MYH13: variants seen among roughly 807,000 people sequenced by gnomAD.
The protein encoded by MYH13 is myosin-13.
Under a neutral mutation model 232.1 loss-of-function variants are expected in MYH13, and 177 were observed. The ratio of observed to expected loss-of-function variants is 0.76; its 90% CI spans 0.67 to 0.86. MYH13 has a LOEUF of 0.86. Among genes scored for constraint, MYH13 ranks in the 40% least tolerant of loss-of-function variants. The pLI is 0.00. For missense variants in MYH13, 2,246 were observed against 2,405.9 expected (o/e 0.93, Z 1.39); for synonymous variants, 884 against 923.5 (o/e 0.96, Z 0.78).
chr17:10,311,272 T>G (rs563604800), intron 32 of MYH13, 45 bp from the exon 33 acceptor site: 2 of 1,610,862 alleles, frequency 1.2e-6, no homozygotes, highest in Admixed American at 1.7e-5. Flanking sequence ...CAGGCTCCAG[T>G]TTATAGTATA....
rs2071779048 is a variant in MYH13 at position 10,359,958 on chromosome 17, A to G, written c.645+2T>C. Reference sequence around the variant, plus strand: ...CCTCCGGATGCAGGTGGGGCTGCTCACCTGCATTTTGCCTGGCTGTGTCTC... The same window carrying G: ...CCTCCGGATGCAGGTGGGGCTGCTCGCCTGCATTTTGCCTGGCTGTGTCTC... On this transcript the variant is annotated splice_donor_variant, in intron 7 of 40. Transcript: ENST00000252172. LOFTEE classifies it high-confidence loss of function. 3 of 1,611,692 alleles carry G rather than the reference A, an allele frequency of 1.9e-6. No homozygotes were observed. The highest frequency in any genetic ancestry group is 2.5e-6 in the Non-Finnish European group (3 of 1,178,666).
Position 10,340,345 on chromosome 17 carries a change from C to G in MYH13, c.1951G>C (p.Val651Leu). Residue 651 changes from valine to leucine, a missense_variant, in exon 17 of 41, where the codon GTG becomes CTG. Physicochemically the swap from Val to Leu is conservative, Grantham distance 32 (BLOSUM62 1). Transcript: ENST00000252172. ...ACACCAACCCTGAACACGGCCGACA[C>G]GGTCTGGAAAGAGGAGCCCTTCTTC... ...GKKKGSSFQT[V>L]SAVFRENLNK... 1.9e-6 allele frequency: 3 copies of G among 1,613,898 alleles called. No individual in the cohort carries two copies. Among genetic ancestry groups the G allele is most frequent in the South Asian group, 1.1e-5 (1 of 91,038 alleles).
intron 18 of MYH13, among the ~76,000 whole-genome samples, chr17:10,336,591 A>G (rs932152266): frequency 2.0e-5 from 3 of 152,040 alleles, no homozygotes; most frequent in African/African-American, 7.2e-5. Flanking sequence ...CCAGCCATCC[A>G]AAGCCCTTAA....
chr17:10,335,895 C>A (rs1338674874), intron 18 of MYH13, among the ~76,000 whole-genome samples: 1 of 152,162 alleles, frequency 6.6e-6, no homozygotes. Flanking sequence ...GGCATAGTTA[C>A]AAGAGAATTG....
chr17:10,306,980 A>G lies in MYH13; in HGVS notation c.5254T>C (p.Ser1752Pro). 6.2e-7 allele frequency: 1 copy of G among 1,613,478 alleles called. No homozygotes were observed. Among genetic ancestry groups the G allele is most frequent in the Non-Finnish European group, 8.5e-7 (1 of 1,179,802 alleles). Residue 1752 changes from serine (S) to proline (P), a missense_variant, in exon 36 of 41, where the codon TCC becomes CCC. Transcript: ENST00000252172. The surrounding 1 kb of genome is among the most constrained non-coding windows in gnomAD (Gnocchi z 4.3). ...TTGGCCTTCTCCTCTGCGTTCCTGGACTCCTGGATCGAGTTCTCCACCTCT... is the reference window on the plus strand; with the variant it reads ...TTGGCCTTCTCCTCTGCGTTCCTGGGCTCCTGGATCGAGTTCTCCACCTCT... ...QAEVENSIQE[S>P]RNAEEKAKKA... is the part of the protein sequence containing the mutation.
intron 3 of MYH13, 34 bp downstream of exon 3, chr17:10,364,293 C>T (rs4791981): frequency 0.17 from 273,724 of 1,581,896 alleles, 24,636 homozygotes; most frequent in South Asian, 0.25. Context: ...TGAGCATGCC[C>T]ATATTATCAA....
intron 18 of MYH13, among the ~76,000 whole-genome samples, chr17:10,333,661 C>T (rs2142248029): frequency 6.6e-6 from 1 of 152,296 alleles, no homozygotes; most frequent in East Asian, 1.9e-4. Flanking sequence ...AATCCCAGCA[C>T]TTTGGGAGGC....
rs1201518583 is a variant in MYH13, at chr17:10,306,586, C to A, written c.5339G>T (p.Ser1780Ile). 1.2e-6 allele frequency: 2 copies of A among 1,614,166 alleles called. No individual in the cohort carries two copies. Among genetic ancestry groups the A allele is most frequent in the Non-Finnish European group, 1.7e-6 (2 of 1,180,046 alleles). Residue 1780 changes from serine (S) to isoleucine (I), a missense_variant, in exon 37 of 41, where the codon AGC (serine) becomes ATC (isoleucine). Physicochemically the swap from Ser to Ile is moderately radical, Grantham distance 142. Transcript: ENST00000252172. The surrounding 1 kb of genome is among the most constrained non-coding windows in gnomAD (Gnocchi z 4.3). ...AEELKKEQDT[S>I]AHLERMKKNL... ...CTTCTTCATCCGCTCCAGGTGGGCGCTGGTGTCCTGTTCCTTCTTTAGCTC... is the reference window on the plus strand; with the variant it reads ...CTTCTTCATCCGCTCCAGGTGGGCGATGGTGTCCTGTTCCTTCTTTAGCTC...
chr17:10,356,088 G>A (rs942350623), intron 8 of MYH13, among the ~76,000 whole-genome samples: 10 of 152,026 alleles, frequency 6.6e-5, no homozygotes, highest in Non-Finnish European at 1.5e-4. Context: ...TACATTATCT[G>A]CTTAATTGGT....
chr17:10,366,407 G>GTCT (rs1252474845), intron 2 of MYH13, among the ~76,000 whole-genome samples: 1 of 93,760 alleles, frequency 1.1e-5, no homozygotes, highest in African/African-American at 3.8e-5. Flanking sequence ...TTGAGATGGA[G>GTCT]TCTTGCTCTG....
chr17:10,348,358 G>C (rs757383595), intron 12 of MYH13, among the ~76,000 whole-genome samples: 1 of 152,200 alleles, frequency 6.6e-6, no homozygotes, highest in Non-Finnish European at 1.5e-5. Context: ...CTCTAGAGTC[G>C]GACTGCTCTA....
At chr17:10,357,910 C>T (rs989968747) in intron 7 of MYH13, 83 bp from the exon 8 acceptor site, 6 of 1,256,352 alleles carry the variant, frequency 4.8e-6, no homozygotes, top group Non-Finnish European at 6.9e-6. Flanking sequence ...GGTGGGTACT[C>T]TGGGCAGGTT....
At chr17:10,313,913 G>A (rs1240914749) in intron 29 of MYH13, among the ~76,000 whole-genome samples, 1 of 152,218 alleles carries the variant, frequency 6.6e-6, no homozygotes, top group Non-Finnish European at 1.5e-5. Flanking sequence ...GGGGATTGCT[G>A]ATGTGAGCTT....
intron 12 of MYH13, among the ~76,000 whole-genome samples, chr17:10,349,826 A>C (rs1025760255): frequency 6.6e-6 from 1 of 152,164 alleles, no homozygotes; most frequent in African/African-American, 2.4e-5. Flanking sequence ...ATTACTTGAG[A>C]GTTTAAAGCG....
chr17:10,347,361 G>A (rs934031001), intron 12 of MYH13, among the ~76,000 whole-genome samples: 2 of 151,576 alleles, frequency 1.3e-5, no homozygotes, highest in East Asian at 1.9e-4. Flanking sequence ...GCAAGACTCC[G>A]ACTCAAAAAA....
intron 37 of MYH13, among the ~76,000 whole-genome samples, chr17:10,305,018 G>A (rs574843654): frequency 2.0e-5 from 3 of 152,218 alleles, no homozygotes; most frequent in East Asian, 1.9e-4. Flanking sequence ...ACTACTAATC[G>A]GACAGGCTTA....
chr17:10,301,515 C>G (rs1906088963), intron 40 of MYH13, 54 bp downstream of exon 40: 19 of 1,608,282 alleles, frequency 1.2e-5, no homozygotes, highest in Admixed American at 3.3e-5. Context: ...ACCTGGCCCC[C>G]ATATTCAATA....
Position 10,306,769 on chromosome 17 carries a change from T to C in MYH13, c.5296-140A>G. 2 of 1,516,124 alleles carry C rather than the reference T, an allele frequency of 1.3e-6. No homozygotes were observed. The highest frequency in any genetic ancestry group is 1.4e-5 in the African/African-American group (1 of 72,572). The allele number at this position is 1,516,124 out of a possible 1,614,324, so 93.9% of individuals were successfully genotyped here. On this transcript the variant is annotated intron_variant, in intron 36 of 40. Transcript: ENST00000252172. The surrounding 1 kb of genome is among the most constrained non-coding windows in gnomAD (Gnocchi z 4.3). The stretch of plus-strand genomic sequence containing the variant: ...CAGTCATTGCTGATTCCCCACAGCC[T>C]CCCCTCCCACTTTGCCACTGCTGAG...
At chr17:10,336,588 T>C (rs2071577221) in intron 18 of MYH13, among the ~76,000 whole-genome samples, 1 of 152,020 alleles carries the variant, frequency 6.6e-6, no homozygotes, top group Non-Finnish European at 1.5e-5. Flanking sequence ...AAACCAGCCA[T>C]CCAAAGCCCT....
Sources: gnomAD v4.1 joint callset for allele counts (sites outside exome capture counted in the v4.1 genomes callset) on GRCh38, gnomAD v4.1.1 for gene constraint, Gnocchi (gnomAD v3.1) non-coding constraint, MANE v1.5 for transcripts, NCBI Gene and HGNC (gene_info 2026-07-23, HGNC 2026-07-21) for gene names.